Variants in OVOL2 observed in about 807,000 individuals in gnomAD.
The protein encoded by OVOL2 is transcription factor Ovo-like 2.
OVOL2 carries 13 observed loss-of-function variants against 18.1 expected under a neutral mutation model. The ratio of observed to expected loss-of-function variants is 0.72; its 90% confidence interval spans 0.47 to 1.14. The LOEUF (loss-of-function observed/expected upper bound fraction) is 1.14. OVOL2 is among the 50% of genes most tolerant of loss of function. The probability of loss-of-function intolerance (pLI) is 0.00; values close to 1 mark genes in which losing one functional copy is unlikely to be tolerated. For synonymous variants in OVOL2, 166 were observed against 162.7 expected, an observed-to-expected ratio of 1.02 and a Z score of -0.16; for missense variants, 335 against 383.0, an observed-to-expected ratio of 0.87 and a Z score of 1.05.
rs1455571098 is a variant in OVOL2, at chr20:18,041,608, C to G, written c.437G>C (p.Arg146Thr). Residue 146 changes from arginine to threonine, a missense_variant, in exon 3 of 4, where the codon AGA becomes ACA. Transcript: ENST00000278780. ...RHLKCHNQVK[R>T]HLCTFCGKGF... ...CTTGCCGCAGAAGGTGCACAGGTGT[C>G]TTTTCACCTGGTTGTGGCACTTGAG... 3.1e-6 allele frequency: 5 copies of G among 1,614,192 alleles called. No individual in the cohort carries two copies. Among genetic ancestry groups the G allele is most frequent in the South Asian group, 2.2e-5 (2 of 91,068 alleles).
chr20:18,049,583 A>C (rs1390708203), intron 2 of OVOL2, among the ~76,000 whole-genome samples: 1 of 150,878 alleles, frequency 6.6e-6, no homozygotes, highest in Admixed American at 6.6e-5. Context: ...ATTTCCTTAG[A>C]CTTCACAACT....
intron 3 of OVOL2, among the ~76,000 whole-genome samples, chr20:18,038,522 G>A (rs77725726): frequency 0.049 from 7,536 of 152,268 alleles, 226 homozygotes; most frequent in Non-Finnish European, 0.054. Context: ...CTGAGAAGCT[G>A]TCAGTCCCTA....
intron 2 of OVOL2, among the ~76,000 whole-genome samples, chr20:18,054,167 A>G (rs898646245): frequency 1.3e-5 from 2 of 152,200 alleles, no homozygotes; most frequent in African/African-American, 4.8e-5. Flanking sequence ...TATCCTCACG[A>G]TGCTATCAAG....
chr20:18,026,426 G>C (rs6111796), intron 3 of OVOL2, among the ~76,000 whole-genome samples: 1 of 145,916 alleles, frequency 6.9e-6, no homozygotes, highest in Non-Finnish European at 1.5e-5. Context: ...CTGTCACCCA[G>C]GTTGGAGTGC....
chr20:18,041,853 A>G, intron 2 of OVOL2, 130 bp from the exon 3 acceptor site: 2 of 740,608 alleles, frequency 2.7e-6, no homozygotes, highest in South Asian at 2.7e-5. Context: ...ATTTTCAAGC[A>G]GGTTTTGGCT....
chr20:18,051,244 G>T (rs1008923940), intron 2 of OVOL2, among the ~76,000 whole-genome samples: 4 of 151,806 alleles, frequency 2.6e-5, no homozygotes, highest in Admixed American at 2.6e-4. Context: ...AGAAAAGAAA[G>T]AACTAATTAG....
At position 18,054,792 on chromosome 20, in the gene OVOL2, G is replaced by GAA. The variant is rs1320548875; in HGVS notation, c.321+1863_321+1864dup. Among the ~76,000 whole-genome samples the GAA allele has an allele frequency of 3.5e-5, 5 of 141,766 alleles. No homozygotes were observed. In the East Asian group the frequency reaches 1.0e-3, roughly 28 times the overall value. The allele number at this position is 141,766 out of a possible 152,430, so 93.0% of individuals were successfully genotyped here. ...AAAAAAAAAAAAAAAAGAAAGAAAA[G>GAA]AAAAGAAAAGAAAAGAAACTAATTC... On this transcript the variant is annotated intron_variant, in intron 2 of 3. Transcript: ENST00000278780.
intron 3 of OVOL2, among the ~76,000 whole-genome samples, chr20:18,031,787 C>T (rs1409801375): frequency 6.6e-6 from 1 of 152,124 alleles, no homozygotes; most frequent in African/African-American, 2.4e-5. Context: ...ATCAGCCTGT[C>T]CTACCTAGTC....
intron 2 of OVOL2, among the ~76,000 whole-genome samples, chr20:18,043,950 G>A (rs571721844): frequency 6.7e-4 from 102 of 152,198 alleles, no homozygotes; most frequent in African/African-American, 2.4e-3. Flanking sequence ...GTCCTCTCCT[G>A]GCTCCACACT....
intron 2 of OVOL2, among the ~76,000 whole-genome samples, chr20:18,043,065 G>A (rs530886184): frequency 6.6e-6 from 1 of 152,312 alleles, no homozygotes; most frequent in Non-Finnish European, 1.5e-5. Flanking sequence ...TCTCCTTGAA[G>A]GGGAGCAAAC....
intron 3 of OVOL2, among the ~76,000 whole-genome samples, chr20:18,037,294 G>A (rs1003367573): frequency 3.9e-5 from 6 of 152,210 alleles, no homozygotes; most frequent in Non-Finnish European, 8.8e-5. Flanking sequence ...GCCAGTTCTG[G>A]TTCCCAGCTC....
At chr20:18,037,645 G>C (rs571658321) in intron 3 of OVOL2, among the ~76,000 whole-genome samples, 11 of 152,330 alleles carry the variant, frequency 7.2e-5, no homozygotes, top group African/African-American at 2.4e-4. Context: ...CAAAGGGCTG[G>C]GGTGGGCAGA....
intron 3 of OVOL2, among the ~76,000 whole-genome samples, chr20:18,029,667 T>C (rs1177489059): frequency 6.6e-6 from 1 of 152,080 alleles, no homozygotes. Flanking sequence ...TGACAATGAA[T>C]CTCCCACCTT....
At chr20:18,028,456 C>T (rs548300541) in intron 3 of OVOL2, among the ~76,000 whole-genome samples, 1 of 151,782 alleles carries the variant, frequency 6.6e-6, no homozygotes, top group South Asian at 2.1e-4. Flanking sequence ...GGATTACAGG[C>T]ATGAACCACC....
At chr20:18,055,275 G>A (rs1300038795) in intron 2 of OVOL2, among the ~76,000 whole-genome samples, 1 of 152,168 alleles carries the variant, frequency 6.6e-6, no homozygotes. Flanking sequence ...GGGGACAGAG[G>A]GGCAAACTAG....
At position 18,044,417 on chromosome 20, in the gene OVOL2, C is replaced by A. The variant is rs528435138; in HGVS notation, c.322-2694G>T. Among the ~76,000 whole-genome samples the A allele has an allele frequency of 2.0e-5, 3 of 152,328 alleles. No individual in the cohort carries two copies. In the East Asian group the frequency reaches 5.8e-4, roughly 29 times the overall value. ...CCAAGCCTAGTCTAGGGCCAGTGCA[C>A]AATCAGTATGTGCTGACCGGCAGCT... is the stretch of plus-strand genomic sequence containing the variant. On this transcript the variant is annotated intron_variant, in intron 2 of 3. Coordinates refer to ENST00000278780, the MANE Select transcript of OVOL2 (RefSeq NM_021220.4).
At chr20:18,041,488 G>C (rs1375761841) in intron 3 of OVOL2, 46 bp downstream of exon 3, 2 of 1,574,674 alleles carry the variant, frequency 1.3e-6, no homozygotes, top group East Asian at 4.5e-5. Flanking sequence ...AGGAGCTCTT[G>C]GCCAGAATAA....
At chr20:18,036,144 T>C (rs1331534391) in intron 3 of OVOL2, among the ~76,000 whole-genome samples, 2 of 148,850 alleles carry the variant, frequency 1.3e-5, no homozygotes, top group African/African-American at 2.5e-5. Context: ...AAATACAAAA[T>C]TAGCCAGGCA....
chr20:18,029,218 C>A (rs2036545869), intron 3 of OVOL2, among the ~76,000 whole-genome samples: 1 of 151,976 alleles, frequency 6.6e-6, no homozygotes, highest in Middle Eastern at 3.4e-3. Flanking sequence ...TAGTAGAGAC[C>A]GGGTTTCACC....
Sources: allele counts gnomAD v4.1 joint callset (sites outside exome capture counted in the v4.1 genomes callset), GRCh38; gene constraint gnomAD v4.1.1; transcripts MANE v1.5; gene names NCBI Gene and HGNC (gene_info 2026-07-23, HGNC 2026-07-21).